The following CCDC178 variants were observed in gnomAD, a reference collection of about 807,000 sequenced individuals.
CCDC178 encodes the protein coiled-coil domain containing 178, also known as coiled-coil domain-containing protein 178.
CCDC178 carries 126 observed loss-of-function variants against 117.4 expected under a neutral mutation model. That is an observed-to-expected ratio of 1.07 (90% confidence interval 0.93 to 1.24). The LOEUF (loss-of-function observed/expected upper bound fraction) is 1.24, where lower values mean the gene tolerates loss of function less well. Among genes scored for constraint, CCDC178 ranks in the 50% most tolerant of loss-of-function variants. CCDC178 has a pLI of 0.00. For synonymous variants in CCDC178, 283 were observed against 313.4 expected (o/e 0.90, Z 1.02); for missense variants, 1,030 against 986.9 (o/e 1.04, Z -0.59).
chr18:33,060,540 A>G (rs9964536), intron 21 of CCDC178, among the ~76,000 whole-genome samples: 3,283 of 150,712 alleles, frequency 0.022, 123 homozygotes, highest in African/African-American at 0.077. Flanking sequence ...TAAAATTAAA[A>G]TTACATTTTT....
At chr18:33,058,570 C>T (rs566289995) in intron 21 of CCDC178, among the ~76,000 whole-genome samples, 101 of 152,234 alleles carry the variant, frequency 6.6e-4, no homozygotes, top group African/African-American at 2.3e-3. Context: ...GTAGAGATTA[C>T]ACAGAAAAAA....
intron 3 of CCDC178, among the ~76,000 whole-genome samples, chr18:33,405,210 T>C (rs1029015057): frequency 2.6e-5 from 4 of 151,914 alleles, no homozygotes; most frequent in African/African-American, 9.7e-5. Context: ...CTGAGAACTA[T>C]TATTCAATAA....
chr18:33,119,701 T>C (rs2057909395), intron 20 of CCDC178, among the ~76,000 whole-genome samples: 1 of 152,106 alleles, frequency 6.6e-6, no homozygotes, highest in South Asian at 2.1e-4. Context: ...ACCCAAAGGA[T>C]TATCAATCAT....
intron 21 of CCDC178, among the ~76,000 whole-genome samples, chr18:33,088,358 T>C (rs1227858079): frequency 2.0e-5 from 3 of 151,816 alleles, no homozygotes; most frequent in African/African-American, 7.3e-5. Flanking sequence ...GTATTGACTC[T>C]ATATATCAAG....
intron 14 of CCDC178, among the ~76,000 whole-genome samples, chr18:33,256,576 TG>T (rs1231708347): frequency 1.3e-5 from 2 of 152,080 alleles, no homozygotes; most frequent in African/African-American, 4.8e-5. Flanking sequence ...TTATGTTGTG[TG>T]GGATTTATGC....
At chr18:33,233,405 G>C (rs1183136696) in intron 15 of CCDC178, among the ~76,000 whole-genome samples, 1 of 151,954 alleles carries the variant, frequency 6.6e-6, no homozygotes, top group Non-Finnish European at 1.5e-5. Context: ...CATAAAATAA[G>C]TATGGGAGGT....
At chr18:33,271,707 G>C (rs1599083375) in intron 12 of CCDC178, among the ~76,000 whole-genome samples, 2 of 151,504 alleles carry the variant, frequency 1.3e-5, no homozygotes, top group East Asian at 3.9e-4. Context: ...GTCATGCAAA[G>C]TGCCTTCTCC....
chr18:33,252,621 G>A (rs1197656984), intron 14 of CCDC178, among the ~76,000 whole-genome samples: 1 of 151,692 alleles, frequency 6.6e-6, no homozygotes, highest in East Asian at 1.9e-4. Context: ...GAAAAACACA[G>A]CACCCTGTGG....
chr18:33,275,885 T>G (rs2059943542), intron 12 of CCDC178, among the ~76,000 whole-genome samples: 1 of 151,996 alleles, frequency 6.6e-6, no homozygotes, highest in Non-Finnish European at 1.5e-5. Flanking sequence ...TAGTATGTAA[T>G]ATTTGTTTAC....
In CCDC178 at chr18:32,963,090, T is replaced by C. The variant is rs546372313; in HGVS notation, c.2523+11457A>G. Among the ~76,000 whole-genome samples the C allele has an allele frequency of 7.2e-5, 11 of 152,202 alleles. No homozygotes were observed. In the South Asian group the frequency reaches 1.7e-3, roughly 23 times the overall value. On this transcript the variant is annotated intron_variant, in intron 22 of 22. Coordinates refer to ENST00000383096, the MANE Select transcript of CCDC178 (RefSeq NM_001105528.4). The stretch of plus-strand genomic sequence containing the variant: ...AAACACACAGGGAATTGCCATGGTA[T>C]AGTGGTTAAGAACAGGTACCTCACA...
At chr18:33,417,168 T>C (rs1407852125) in intron 2 of CCDC178, among the ~76,000 whole-genome samples, 2 of 152,170 alleles carry the variant, frequency 1.3e-5, no homozygotes, top group South Asian at 2.1e-4. Context: ...TTGTCCACAA[T>C]AGCCAAAACC....
intron 21 of CCDC178, among the ~76,000 whole-genome samples, chr18:33,046,185 T>C (rs1598823588): frequency 1.3e-5 from 2 of 152,344 alleles, no homozygotes; most frequent in East Asian, 1.9e-4. Context: ...TCTTGATTTC[T>C]AGCTGATTGC....
chr18:33,088,100 T>G (rs1011311378), intron 21 of CCDC178, among the ~76,000 whole-genome samples: 1 of 152,112 alleles, frequency 6.6e-6, no homozygotes, highest in South Asian at 2.1e-4. Context: ...TTCTACATTA[T>G]AGTCTAGGAA....
At chr18:33,072,701 CAG>C (rs1311698665) in intron 21 of CCDC178, among the ~76,000 whole-genome samples, 1 of 152,114 alleles carries the variant, frequency 6.6e-6, no homozygotes, top group Non-Finnish European at 1.5e-5. Flanking sequence ...AGGGATACTG[CAG>C]AGTTTTGCCA....
chr18:33,075,444 A>G (rs546565888), intron 21 of CCDC178, among the ~76,000 whole-genome samples: 2 of 152,276 alleles, frequency 1.3e-5, no homozygotes, highest in Non-Finnish European at 2.9e-5. Flanking sequence ...ACAAAGGTAA[A>G]TGCTTGAGGG....
intron 10 of CCDC178, 30 bp downstream of exon 10, chr18:33,333,144 T>C: frequency 7.5e-7 from 1 of 1,340,796 alleles, no homozygotes; most frequent in Non-Finnish European, 1.0e-6. Context: ...AGTAATAATT[T>C]ATGAAATGCT....
chr18:33,402,977 C>T (rs1040205690), intron 3 of CCDC178, among the ~76,000 whole-genome samples: 3 of 152,210 alleles, frequency 2.0e-5, no homozygotes, highest in African/African-American at 7.2e-5. Flanking sequence ...CTGCAGGTTA[C>T]TGTGATGCAC....
At chr18:33,169,518 T>C (rs1290880303) in intron 20 of CCDC178, among the ~76,000 whole-genome samples, 2 of 152,172 alleles carry the variant, frequency 1.3e-5, no homozygotes, top group African/African-American at 2.4e-5. Context: ...CTTGGTCTAT[T>C]ACCCAAAAAC....
At chr18:33,417,504 T>C (rs1387026526) in intron 2 of CCDC178, among the ~76,000 whole-genome samples, 1 of 147,002 alleles carries the variant, frequency 6.8e-6, no homozygotes, top group East Asian at 2.0e-4. Flanking sequence ...TATACAAAGC[T>C]ACACATAAAA....
Sources: gnomAD v4.1 joint callset for allele counts (sites outside exome capture counted in the v4.1 genomes callset) on GRCh38, gnomAD v4.1.1 for gene constraint, MANE v1.5 for transcripts, NCBI Gene and HGNC (gene_info 2026-07-23, HGNC 2026-07-21) for gene names.